The following TTC13 variants were observed in gnomAD, a reference collection of about 807,000 sequenced individuals.
TTC13 encodes tetratricopeptide repeat protein 13.
Under a neutral mutation model 120.0 loss-of-function variants are expected in TTC13, and 62 were observed. That is an observed-to-expected ratio of 0.52 (90% CI 0.42 to 0.64). The LOEUF is 0.64. Among genes scored for constraint, TTC13 ranks in the 30% least tolerant of loss-of-function variants. The pLI is 0.00. For missense variants in TTC13, 824 were observed against 1,050.2 expected (o/e 0.78, Z 2.98); for synonymous variants, 384 against 393.5 (o/e 0.98, Z 0.28).
At chr1:230,939,295 T>A in intron 8 of TTC13, 91 bp downstream of exon 8, 2 of 643,460 alleles carry the variant, frequency 3.1e-6, no homozygotes, top group Admixed American at 5.4e-5. Flanking sequence ...CAATAAATAA[T>A]AAATACCAGC....
At chr1:230,911,632 A>C in intron 19 of TTC13, 83 bp from the exon 20 acceptor site, 1 of 816,634 alleles carries the variant, frequency 1.2e-6, no homozygotes, top group East Asian at 3.0e-5. Flanking sequence ...CACAAGAATA[A>C]TCTACATCAA....
chr1:230,936,076 C>G, intron 8 of TTC13: 1 of 418,590 alleles, frequency 2.4e-6, no homozygotes. Flanking sequence ...GAGGGAATAA[C>G]GAGCCCATCG....
At position 230,914,530 on chromosome 1, in the gene TTC13, A is replaced by G. The variant is rs1009108107; in HGVS notation, c.2093+1663T>C. On this transcript the variant is annotated intron_variant, in intron 18 of 22. Transcript: ENST00000366661. Reference sequence around the variant, plus strand: ...CTGCCTCAGCCTCCAGAGTAGCTGGAATTACAGGTGCGCGCCACCAGGCCT... The same window carrying G: ...CTGCCTCAGCCTCCAGAGTAGCTGGGATTACAGGTGCGCGCCACCAGGCCT... 4.0e-5 allele frequency among the ~76,000 whole-genome samples: 6 copies of G among 151,778 alleles called. No individual in the cohort carries two copies. The East Asian group carries it at 7.8e-4, about 20-fold the overall frequency.
chr1:230,919,770 G>A (rs1672391926), intron 17 of TTC13, among the ~76,000 whole-genome samples: 2 of 152,092 alleles, frequency 1.3e-5, no homozygotes, highest in South Asian at 2.1e-4. Flanking sequence ...TTAACTAAAC[G>A]CCCAAGGTGT....
chr1:230,957,062 A>G (rs1175514116), intron 3 of TTC13, among the ~76,000 whole-genome samples: 2 of 152,244 alleles, frequency 1.3e-5, no homozygotes, highest in African/African-American at 4.8e-5. Flanking sequence ...TCATTATTCA[A>G]TAAATAAATA....
At chr1:230,929,369 C>T (rs558668566) in intron 11 of TTC13, among the ~76,000 whole-genome samples, 21 of 145,462 alleles carry the variant, frequency 1.4e-4, no homozygotes, top group Non-Finnish European at 1.9e-4. Context: ...GGCTGGAGTG[C>T]GGTGGTGCAA....
At chr1:230,961,135 C>T (rs1676598237) in intron 2 of TTC13, 74 bp downstream of exon 2, 10 of 1,174,446 alleles carry the variant, frequency 8.5e-6, no homozygotes, top group Middle Eastern at 2.0e-4. Flanking sequence ...TTGACAGAGG[C>T]GACTTCCACT....
At chr1:230,939,011 C>T (rs936555181) in intron 8 of TTC13, among the ~76,000 whole-genome samples, 20 of 152,204 alleles carry the variant, frequency 1.3e-4, no homozygotes, top group African/African-American at 4.6e-4. Flanking sequence ...ACCCCCTAAT[C>T]CTACTCAGTC....
Position 230,958,266 on chromosome 1 carries a change from A to C in TTC13, c.400T>G (p.Phe134Val). The change falls in exon 3 of 23, where the codon TTC becomes GTC. Residue 134 changes from phenylalanine to valine, a missense_variant. Coordinates refer to ENST00000366661, the MANE Select transcript of TTC13 (RefSeq NM_024525.5). ...CTGTCATTATCAGTGGCAAACGGGA[A>C]TCTCTTCTGTTCTGCAATAGACTTG... Reference protein sequence around the residue: ...QAKSIAEQKRFPFATDNDSTN... With the variant: ...QAKSIAEQKRVPFATDNDSTN... The C allele has an allele frequency of 6.2e-7, 1 of 1,613,318 alleles. No individual in the cohort carries two copies. The highest frequency in any genetic ancestry group is 8.5e-7 in the Non-Finnish European group (1 of 1,179,842).
At chr1:230,936,055 G>C in intron 8 of TTC13, 1 of 389,958 alleles carries the variant, frequency 2.6e-6, no homozygotes, top group Admixed American at 3.1e-5. Flanking sequence ...GGTGGGGATG[G>C]GGTGGGGCAG....
intron 22 of TTC13, among the ~76,000 whole-genome samples, chr1:230,907,843 G>C (rs745510424): frequency 1.3e-5 from 2 of 152,160 alleles, no homozygotes; most frequent in Non-Finnish European, 1.5e-5. Flanking sequence ...TGAACAGTGA[G>C]GCTTACTTAT....
At chr1:230,915,499 A>T (rs74143517) in intron 18 of TTC13, among the ~76,000 whole-genome samples, 9,685 of 152,286 alleles carry the variant, frequency 0.064, 623 homozygotes, top group African/African-American at 0.17. Flanking sequence ...TTTATAAAGC[A>T]AAACAATGAG....
intron 8 of TTC13, among the ~76,000 whole-genome samples, chr1:230,934,501 CTA>C (rs899686991): frequency 9.9e-5 from 15 of 152,248 alleles, no homozygotes; most frequent in African/African-American, 3.4e-4. Context: ...TAAGCAGGCA[CTA>C]TCCTTTGGGA....
chr1:230,959,895 G>A (rs1366484350), intron 2 of TTC13, among the ~76,000 whole-genome samples: 1 of 152,162 alleles, frequency 6.6e-6, no homozygotes, highest in Non-Finnish European at 1.5e-5. Flanking sequence ...TAAATAAAGG[G>A]AGTTTATGTT....
rs1678678294 is a variant in TTC13, at chr1:230,978,825, T to TGCCATCTTCCCTCAAGGC, written c.-13_5dup (p.Pro3_Ala4insTer). 7.4e-6 allele frequency: 11 copies of TGCCATCTTCCCTCAAGGC among 1,477,046 alleles called. No homozygotes were observed. The highest frequency in any genetic ancestry group is 2.5e-5 in the Admixed American group (1 of 40,594). The allele number at this position is 1,477,046 out of a possible 1,614,324, so 91.5% of individuals were successfully genotyped here. A position where few individuals can be genotyped will look rare whatever the true frequency, so the allele number is the denominator to read the frequency against. ...AGCAGCAGCAGCAGCAGCCGGCAGG[T>TGCCATCTTCCCTCAAGGC]GCCATCTTCCCTCAAGGCGCATGCG... is the stretch of plus-strand genomic sequence containing the variant. On this transcript the variant is annotated stop_gained and inframe_insertion, in exon 1 of 23. Transcript: ENST00000366661. LOFTEE classifies it high-confidence loss of function. This position sits in a 1 kb window ranked among gnomAD's most constrained non-coding sequence, Gnocchi z 5.6.
At chr1:230,923,336 A>G (rs1022122084) in intron 15 of TTC13, among the ~76,000 whole-genome samples, 2 of 152,202 alleles carry the variant, frequency 1.3e-5, no homozygotes, top group African/African-American at 4.8e-5. Context: ...GAAGTTTTCC[A>G]GCCAACCTGA....
Position 230,978,533 on chromosome 1 carries a change from C to T in TTC13, c.271+27G>A. 1 of 810,910 alleles carries T rather than the reference C, an allele frequency of 1.2e-6. No individual in the cohort carries two copies. Among genetic ancestry groups the T allele is most frequent in the Non-Finnish European group, 1.7e-6 (1 of 596,734 alleles). 50.2% of individuals were successfully genotyped at this position (810,910 alleles called of 1,614,324 possible). A position where few individuals can be genotyped will look rare whatever the true frequency, so the allele number is the denominator to read the frequency against. ...CCCGCTGCCCCGCCGCCCCGGCCGA[C>T]TCGGACGCCCGCCGCCGCCCACTCA... On this transcript the variant is annotated intron_variant, in intron 1 of 22. Coordinates refer to ENST00000366661, the MANE Select transcript of TTC13 (RefSeq NM_024525.5). This position sits in a 1 kb window ranked among gnomAD's most constrained non-coding sequence, Gnocchi z 5.6.
At chr1:230,951,860 C>T (rs1675618624) in intron 4 of TTC13, among the ~76,000 whole-genome samples, 1 of 152,132 alleles carries the variant, frequency 6.6e-6, no homozygotes, top group Non-Finnish European at 1.5e-5. Context: ...AAAGGATTTT[C>T]AGTCAATTGG....
chr1:230,949,404 T>TA lies in TTC13; in HGVS notation c.514-3951dup, dbSNP rs71668369. On this transcript the variant is annotated intron_variant, in intron 4 of 22. Transcript: ENST00000366661. ...TTTTATAGTAATAAAAATTTTAAAT[T>TA]AAAAAAAAAAAACAGCCATTCAAAA... Among the ~76,000 whole-genome samples the TA allele has an allele frequency of 1.6e-3, 75 of 48,190 alleles. 9 individuals carry two copies. The highest frequency in any genetic ancestry group is 2.7e-3 in the African/African-American group (35 of 12,788). 31.6% of individuals were successfully genotyped at this position (48,190 alleles called of 152,430 possible).
Sources: gnomAD v4.1 joint callset for allele counts (sites outside exome capture counted in the v4.1 genomes callset) on GRCh38, gnomAD v4.1.1 for gene constraint, Gnocchi (gnomAD v3.1) non-coding constraint, MANE v1.5 for transcripts, NCBI Gene and HGNC (gene_info 2026-07-23, HGNC 2026-07-21) for gene names.